Variants in ZBBX observed in about 807,000 individuals in gnomAD.
The protein encoded by ZBBX is zinc finger B-box domain containing, also known as zinc finger B-box domain-containing protein 1.
In ZBBX, 101 loss-of-function variants were observed where a neutral mutation model predicts 108.5. The ratio of observed to expected loss-of-function variants is 0.93; its 90% CI spans 0.79 to 1.10. The LOEUF (loss-of-function observed/expected upper bound fraction) is 1.10, where lower values mean the gene tolerates loss of function less well. ZBBX is among the 50% of genes least tolerant of loss of function. ZBBX has a pLI of 0.00. For synonymous variants in ZBBX, 356 were observed against 323.4 expected, an observed-to-expected ratio of 1.10 and a Z score of -1.08; for missense variants, 1,009 against 941.4, an observed-to-expected ratio of 1.07 and a Z score of -0.94.
downstream of ZBBX, among the ~76,000 whole-genome samples, chr3:167,237,465 T>A (rs902818485): frequency 1.3e-5 from 2 of 151,862 alleles, no homozygotes; most frequent in African/African-American, 2.4e-5. Flanking sequence ...GACTCCACTA[T>A]TAGTAATATG....
intron 8 of ZBBX, 29 bp downstream of exon 8, chr3:167,359,841 T>C: frequency 6.1e-6 from 7 of 1,138,254 alleles, no homozygotes; most frequent in Non-Finnish European, 8.6e-6. Context: ...CTATACAGTA[T>C]ATGTATATAT....
intron 20 of ZBBX, among the ~76,000 whole-genome samples, chr3:167,270,678 A>G (rs1217499744): frequency 6.6e-6 from 1 of 152,234 alleles, no homozygotes. Context: ...TGAAGAAAGC[A>G]GAAAGTTAAC....
At chr3:167,388,876 T>G (rs1748002140) in intron 1 of ZBBX, among the ~76,000 whole-genome samples, 1 of 152,124 alleles carries the variant, frequency 6.6e-6, no homozygotes, top group Admixed American at 6.6e-5. Flanking sequence ...GTGAAGATCA[T>G]GTCTTAAATT....
At chr3:167,397,142 TAAAAAAAAA>T (rs61671930) in intron 1 of ZBBX, among the ~76,000 whole-genome samples, 2 of 72,428 alleles carry the variant, frequency 2.8e-5, no homozygotes, top group South Asian at 5.4e-4. Context: ...TTCTTGGTGG[TAAAAAAAAA>T]AAAAAAAAAA....
downstream of ZBBX, among the ~76,000 whole-genome samples, chr3:167,238,138 T>G (rs1720305906): frequency 6.6e-6 from 1 of 151,996 alleles, no homozygotes; most frequent in South Asian, 2.1e-4. Context: ...TGTACATATA[T>G]TTTTCTATGT....
At chr3:167,380,115 A>C (rs1577134725) in intron 1 of ZBBX, 132 bp downstream of exon 1, 1 of 152,274 alleles carries the variant, frequency 6.6e-6, no homozygotes, top group Non-Finnish European at 1.5e-5. Context: ...CTCCAGCTCC[A>C]CCCGAGCTGA....
intron 1 of ZBBX, among the ~76,000 whole-genome samples, chr3:167,404,228 CATA>C (rs1198370340): frequency 1.3e-5 from 2 of 151,942 alleles, no homozygotes; most frequent in African/African-American, 2.4e-5. Context: ...TAAAAAAATA[CATA>C]ATATTTCTAA....
At chr3:167,388,736 C>T (rs148772987) in intron 1 of ZBBX, among the ~76,000 whole-genome samples, 83 of 152,048 alleles carry the variant, frequency 5.5e-4, no homozygotes, top group Admixed American at 2.4e-3. Context: ...CAACATGTCA[C>T]TTTGTATTTA....
At chr3:167,241,614 C>T (rs1353951338) in intron 21 of ZBBX, among the ~76,000 whole-genome samples, 1 of 152,092 alleles carries the variant, frequency 6.6e-6, no homozygotes, top group Non-Finnish European at 1.5e-5. Context: ...AGGCTGAGTG[C>T]AGTGGCCTGA....
chr3:167,383,443 A>T (rs559631939), upstream of ZBBX, among the ~76,000 whole-genome samples: 1 of 152,106 alleles, frequency 6.6e-6, no homozygotes, highest in Non-Finnish European at 1.5e-5. Flanking sequence ...CTTAGCAAAA[A>T]CCAAATTAGT....
rs1180261291 is a variant in ZBBX, at chr3:167,372,942, T to C, written c.-41A>G. 6.8e-7 allele frequency: 1 copy of C among 1,475,550 alleles called. No homozygotes were observed. The highest frequency in any genetic ancestry group is 9.2e-7 in the Non-Finnish European group (1 of 1,084,724). 91.4% of individuals were successfully genotyped at this position (1,475,550 alleles called of 1,614,324 possible). On this transcript the variant is annotated 5_prime_UTR_variant, in exon 4 of 22. Transcript: ENST00000675490. Reference sequence around the variant, plus strand: ...ATTGTCTAAAAGTTATTCTGATTTGTAAACACTTCTGTAAAAGTAACAAAG... The same window carrying C: ...ATTGTCTAAAAGTTATTCTGATTTGCAAACACTTCTGTAAAAGTAACAAAG...
At chr3:167,390,931 A>T (rs959594672) in intron 1 of ZBBX, among the ~76,000 whole-genome samples, 1 of 152,136 alleles carries the variant, frequency 6.6e-6, no homozygotes, top group Admixed American at 6.5e-5. Context: ...TCATCTGCAA[A>T]TGAAGATAAT....
intron 4 of ZBBX, among the ~76,000 whole-genome samples, chr3:167,371,977 G>A (rs1045725563): frequency 7.2e-5 from 11 of 152,160 alleles, no homozygotes; most frequent in African/African-American, 2.7e-4. Context: ...ACTTTGGGAG[G>A]TAGAGGTGAG....
chr3:167,402,348 T>C (rs1397094313), intron 1 of ZBBX, among the ~76,000 whole-genome samples: 1 of 152,292 alleles, frequency 6.6e-6, no homozygotes, highest in East Asian at 1.9e-4. Context: ...GAAAACTGAA[T>C]GTTGGCGATT....
intron 21 of ZBBX, 137 bp from the exon 22 acceptor site, chr3:167,241,056 A>T (rs917733982): frequency 4.6e-5 from 38 of 831,910 alleles, no homozygotes; most frequent in Non-Finnish European, 6.1e-5. Flanking sequence ...GACTGGGGCC[A>T]TAATTTTCAA....
chr3:167,184,126 G>T, the ZBBX span, among the ~76,000 whole-genome samples: 1 of 151,972 alleles, frequency 6.6e-6, no homozygotes, highest in Non-Finnish European at 1.5e-5. Context: ...TCAACAAATG[G>T]TACTAAAAAC....
chr3:167,279,345 A>T (rs925049057), intron 20 of ZBBX, among the ~76,000 whole-genome samples: 3,588 of 151,434 alleles, frequency 0.024, 52 homozygotes, highest in Non-Finnish European at 0.037. Flanking sequence ...TATCTAGAAA[A>T]CCCCATTGTC....
intron 8 of ZBBX, among the ~76,000 whole-genome samples, chr3:167,358,916 A>T (rs1009728843): frequency 1.7e-5 from 2 of 118,616 alleles, no homozygotes; most frequent in African/African-American, 6.6e-5. Context: ...AGCCTGGGCA[A>T]CAGAGCAAGA....
At chr3:167,233,099 A>T in the ZBBX span, among the ~76,000 whole-genome samples, 7 of 151,790 alleles carry the variant, frequency 4.6e-5, no homozygotes, top group Admixed American at 3.3e-4. Context: ...AGCCTATGGC[A>T]TACCAGACCC....
Sources: gnomAD v4.1 joint callset for allele counts (sites outside exome capture counted in the v4.1 genomes callset) on GRCh38, gnomAD v4.1.1 for gene constraint, MANE v1.5 for transcripts, NCBI Gene and HGNC (gene_info 2026-07-23, HGNC 2026-07-21) for gene names.